Variants in ZNF717 observed in about 807,000 individuals in gnomAD.
ZNF717 encodes krueppel-like factor X17.
A neutral mutation model predicts 13.8 loss-of-function variants in ZNF717; 9 were observed. The ratio of observed to expected loss-of-function variants is 0.65; its 90% CI spans 0.39 to 1.14. The LOEUF is 1.14. Ranked by LOEUF, ZNF717 falls within the 50% of genes most tolerant of loss-of-function variation. The pLI, the probability that ZNF717 is intolerant of heterozygous loss-of-function variation, is 0.01. For synonymous variants in ZNF717, 327 were observed against 364.1 expected, an observed-to-expected ratio of 0.90 and a Z score of 1.16; for missense variants, 1,040 against 1,080.7, an observed-to-expected ratio of 0.96 and a Z score of 0.53.
At chr3:75,731,217 A>T (rs1938522776), downstream of ZNF717, among the ~76,000 whole-genome samples, 1 of 152,270 alleles carries the variant, frequency 6.6e-6, no homozygotes, top group South Asian at 2.1e-4. Context: ...TCTCTACTAA[A>T]AATACAAATA....
chr3:75,698,412 G>T (rs1299909016), intron 6 of ZNF717, among the ~76,000 whole-genome samples: 1 of 152,312 alleles, frequency 6.6e-6, no homozygotes, highest in Admixed American at 6.5e-5. Context: ...AGGCCCTGAG[G>T]CCTAAAAGAA....
intron 6 of ZNF717, among the ~76,000 whole-genome samples, chr3:75,696,581 A>G (rs150799967): frequency 0.13 from 13,489 of 105,272 alleles, no homozygotes; most frequent in Non-Finnish European, 0.2. Flanking sequence ...AAATCAATCA[A>G]TGTGATACAT....
chr3:75,705,073 A>C (rs150348428), downstream of ZNF717, among the ~76,000 whole-genome samples: 7 of 151,156 alleles, frequency 4.6e-5, no homozygotes, highest in Non-Finnish European at 8.8e-5. Flanking sequence ...TTTTCTTAAC[A>C]GTTTTCTCTC....
chr3:75,753,999 G>A (rs1385745042), intron 2 of ZNF717, among the ~76,000 whole-genome samples: 2 of 152,174 alleles, frequency 1.3e-5, no homozygotes, highest in African/African-American at 4.8e-5. Flanking sequence ...CAGGATTCTA[G>A]AACACTCCAG....
chr3:75,783,926 T>C, intron 1 of ZNF717, among the ~76,000 whole-genome samples: 1 of 152,226 alleles, frequency 6.6e-6, no homozygotes, highest in East Asian at 1.9e-4. Context: ...TGTTTCCCAA[T>C]AACACCTTTC....
intron 5 of ZNF717, among the ~76,000 whole-genome samples, chr3:75,716,137 A>ATTTTTTT (rs142722374): frequency 7.2e-6 from 1 of 139,744 alleles, no homozygotes. Flanking sequence ...TGCCTGGCTA[A>ATTTTTTT]TTTTTTTTTT....
In ZNF717 at chr3:75,767,512, G is replaced by A. The variant is rs117261170; in HGVS notation, c.57+15794C>T. Among the ~76,000 whole-genome samples the A allele has an allele frequency of 1.2e-3, 178 of 152,348 alleles. 3 individuals are homozygous for A. The East Asian group carries it at 0.03, about 25-fold the overall frequency. On this transcript the variant is annotated intron_variant, in intron 2 of 4. Transcript: ENST00000652011. ...ACATGTGCCACAACTGTGAGGCTGA[G>A]CTGTAACTGGGCCTCAAGGAGACCA...
chr3:75,740,374 C>T (rs1575777999), intron 4 of ZNF717, among the ~76,000 whole-genome samples: 1 of 152,202 alleles, frequency 6.6e-6, no homozygotes, highest in African/African-American at 2.4e-5. Context: ...CACCCCTATC[C>T]AGGCCCCTAT....
chr3:75,748,913 A>AG (rs1261701917), intron 2 of ZNF717, among the ~76,000 whole-genome samples: 1 of 152,030 alleles, frequency 6.6e-6, no homozygotes, highest in East Asian at 1.9e-4. Flanking sequence ...CCCTGTTTGC[A>AG]GGGGTCTCTT....
chr3:75,780,659 CA>C (rs1256327395), intron 2 of ZNF717, among the ~76,000 whole-genome samples: 10 of 152,252 alleles, frequency 6.6e-5, no homozygotes, highest in Non-Finnish European at 1.2e-4. Flanking sequence ...CTCGGCCTCC[CA>C]AAGTGCTGGG....
chr3:75,724,847 GTA>G (rs1938245178), intron 4 of ZNF717, among the ~76,000 whole-genome samples: 1 of 152,244 alleles, frequency 6.6e-6, no homozygotes, highest in African/African-American at 2.4e-5. Context: ...GATAGAAAGA[GTA>G]TTATTTTCAT....
At chr3:75,777,584 C>G (rs1944426230) in intron 2 of ZNF717, among the ~76,000 whole-genome samples, 1 of 147,150 alleles carries the variant, frequency 6.8e-6, no homozygotes. Flanking sequence ...ATCTGCTAAA[C>G]TAGAAACCCA....
At chr3:75,765,028 T>C (rs976885568) in intron 2 of ZNF717, among the ~76,000 whole-genome samples, 2 of 57,560 alleles carry the variant, frequency 3.5e-5, no homozygotes, top group African/African-American at 1.5e-4. Flanking sequence ...TATATATATA[T>C]ATGTATATGT....
In ZNF717 at chr3:75,735,872, T is replaced by C. The variant is rs1406798793; in HGVS notation, c.*1006A>G. On this transcript the variant is annotated 3_prime_UTR_variant, in exon 5 of 5. Coordinates refer to ENST00000652011, the MANE Select transcript of ZNF717 (RefSeq NM_001290208.3). ...CCATCAAAATAGAGGCACATCTCACTTTGAGCTTCACTTTATTTTGCTTGG... is the reference window on the plus strand; with the variant it reads ...CCATCAAAATAGAGGCACATCTCACCTTGAGCTTCACTTTATTTTGCTTGG... The C allele has an allele frequency of 6.6e-6, 1 of 152,042 alleles. No individual in the cohort carries two copies. The highest frequency in any genetic ancestry group is 1.5e-5 in the Non-Finnish European group (1 of 68,006). The allele number at this position is 152,042 out of a possible 1,614,324, so 9.4% of individuals were successfully genotyped here. A position where few individuals can be genotyped will look rare whatever the true frequency, so the allele number is the denominator to read the frequency against.
intron 2 of ZNF717, 96 bp from the exon 3 acceptor site, chr3:75,741,832 A>AGGT: frequency 6.7e-7 from 1 of 1,491,656 alleles, no homozygotes; most frequent in Non-Finnish European, 9.0e-7. Flanking sequence ...TCCCAGGTGA[A>AGGT]GTGCACAGCC....
chr3:75,775,054 T>C (rs1944204917), intron 2 of ZNF717, among the ~76,000 whole-genome samples: 1 of 152,074 alleles, frequency 6.6e-6, no homozygotes, highest in South Asian at 2.1e-4. Context: ...CTCCACCTCC[T>C]GGGTTCAAGC....
At chr3:75,777,270 A>G (rs367934385) in intron 2 of ZNF717, among the ~76,000 whole-genome samples, 478 of 24,908 alleles carry the variant, frequency 0.019, no homozygotes, top group African/African-American at 0.037. Context: ...GCTAAACCAA[A>G]AACCCAAAAC....
intron 4 of ZNF717, among the ~76,000 whole-genome samples, chr3:75,740,250 A>G (rs1358434299): frequency 6.6e-6 from 1 of 152,184 alleles, no homozygotes; most frequent in East Asian, 1.9e-4. Flanking sequence ...TCATCTTCCA[A>G]TGGTAACTAC....
At chr3:75,721,516 G>A (rs1938166052) in intron 4 of ZNF717, among the ~76,000 whole-genome samples, 1 of 152,146 alleles carries the variant, frequency 6.6e-6, no homozygotes, top group African/African-American at 2.4e-5. Flanking sequence ...CCTGACCTCA[G>A]GTAATCTGCC....
Sources: allele counts gnomAD v4.1 joint callset (sites outside exome capture counted in the v4.1 genomes callset), GRCh38; gene constraint gnomAD v4.1.1; transcripts MANE v1.5; gene names NCBI Gene and HGNC (gene_info 2026-07-23, HGNC 2026-07-21).